Variants in SH3BP5 observed in about 807,000 individuals in gnomAD.
The protein encoded by SH3BP5 is SH3 domain-binding protein 5.
In SH3BP5, 22 loss-of-function variants were observed where a neutral mutation model predicts 43.3. The ratio of observed to expected loss-of-function variants is 0.51; its 90% CI spans 0.36 to 0.73. SH3BP5 has a LOEUF of 0.73. SH3BP5 is among the 30% of genes least tolerant of loss of function. SH3BP5 has a pLI of 0.00. For missense variants in SH3BP5, 529 were observed against 586.9 expected, an observed-to-expected ratio of 0.90 and a Z score of 1.02; for synonymous variants, 255 against 225.8, an observed-to-expected ratio of 1.13 and a Z score of -1.16.
intron 3 of SH3BP5, among the ~76,000 whole-genome samples, chr3:15,274,263 G>A (rs897193959): frequency 2.6e-5 from 4 of 151,794 alleles, no homozygotes; most frequent in South Asian, 4.2e-4. Context: ...AAAAAAGAAA[G>A]AAAGAAAGAA....
chr3:15,256,003 A>G lies in SH3BP5; in HGVS notation c.*83T>C, dbSNP rs919913772. 8.1e-6 allele frequency: 9 copies of G among 1,115,538 alleles called. No individual in the cohort carries two copies. The highest frequency in any genetic ancestry group is 3.1e-5 in the African/African-American group (2 of 64,470). The allele number at this position is 1,115,538 out of a possible 1,614,324, so 69.1% of individuals were successfully genotyped here. ...TTAGAGTAGACGTGTAAGATTTGGC[A>G]TATATTAAATGATTATTGGCACAAT... On this transcript the variant is annotated 3_prime_UTR_variant, in exon 9 of 9. Transcript: ENST00000383791.
intron 2 of SH3BP5, among the ~76,000 whole-genome samples, chr3:15,320,722 A>ACCACATCT (rs1323988475): frequency 6.6e-6 from 1 of 152,022 alleles, no homozygotes; most frequent in Non-Finnish European, 1.5e-5. Context: ...GTCCACAGGG[A>ACCACATCT]CCACATCTCT....
chr3:15,277,304 G>A (rs934518833), intron 3 of SH3BP5, among the ~76,000 whole-genome samples: 17 of 152,104 alleles, frequency 1.1e-4, no homozygotes, highest in Middle Eastern at 3.2e-3. Flanking sequence ...ACCACTTGCC[G>A]GTGCTGCAAA....
chr3:15,331,058 C>T, intron 1 of SH3BP5, among the ~76,000 whole-genome samples: 1 of 152,212 alleles, frequency 6.6e-6, no homozygotes, highest in East Asian at 1.9e-4. Flanking sequence ...GCCAATTATT[C>T]AACCTACTTA....
chr3:15,307,516 C>A (rs1351889005), intron 2 of SH3BP5, among the ~76,000 whole-genome samples: 1 of 152,246 alleles, frequency 6.6e-6, no homozygotes, highest in Non-Finnish European at 1.5e-5. Flanking sequence ...TACTTTCCAT[C>A]CCATAGGGAG....
chr3:15,271,982 C>T (rs1219401784), intron 3 of SH3BP5, among the ~76,000 whole-genome samples: 1 of 152,168 alleles, frequency 6.6e-6, no homozygotes, highest in Non-Finnish European at 1.5e-5. Flanking sequence ...CTCGGTTAAC[C>T]ACATCCCCAA....
chr3:15,338,215 C>T (rs1176515201), intron 1 of SH3BP5, among the ~76,000 whole-genome samples: 1 of 151,902 alleles, frequency 6.6e-6, no homozygotes, highest in African/African-American at 2.4e-5. Flanking sequence ...TGGTGGTGTG[C>T]ACCTGTAGTC....
intron 2 of SH3BP5, among the ~76,000 whole-genome samples, chr3:15,310,292 G>T (rs1234278386): frequency 6.6e-6 from 1 of 152,230 alleles, no homozygotes; most frequent in East Asian, 1.9e-4. Context: ...GGCATCATGA[G>T]GGGAGAGCCT....
upstream of SH3BP5, chr3:15,332,985 G>T: frequency 1.5e-6 from 1 of 660,688 alleles, no homozygotes; most frequent in Non-Finnish European, 1.9e-6. Flanking sequence ...CCTCTTGAGC[G>T]AACCTTGGGA....
intron 2 of SH3BP5, among the ~76,000 whole-genome samples, chr3:15,310,054 TCCTTGGTCCTCACCCCCACCTCTCAGTC>T (rs1698013979): frequency 6.6e-6 from 1 of 152,084 alleles, no homozygotes; most frequent in Non-Finnish European, 1.5e-5. Context: ...GCCGTAATAT[TCCTTGGTCCTCACCCCCACCTCTCAGTC>T]CCTAGTGATG....
At chr3:15,258,653 ACTTAGTACCTT>A (rs1173085995) in intron 7 of SH3BP5, 167 bp downstream of exon 7, 1 of 598,302 alleles carries the variant, frequency 1.7e-6, no homozygotes, top group Non-Finnish European at 3.0e-6. Flanking sequence ...TTTGAGGAAC[ACTTAGTACCTT>A]CTTAATGAAC....
At chr3:15,288,495 C>T (rs1205321784) in intron 3 of SH3BP5, among the ~76,000 whole-genome samples, 4 of 152,168 alleles carry the variant, frequency 2.6e-5, no homozygotes, top group Non-Finnish European at 4.4e-5. Context: ...CGGTGGCTAA[C>T]GCCTGTAATC....
At chr3:15,265,182 A>G (rs373129575) in intron 4 of SH3BP5, among the ~76,000 whole-genome samples, 3 of 152,024 alleles carry the variant, frequency 2.0e-5, no homozygotes, top group African/African-American at 7.2e-5. Context: ...CGTCTACCAC[A>G]TCCTGTCCCT....
intron 3 of SH3BP5, among the ~76,000 whole-genome samples, chr3:15,300,777 C>T (rs550334281): frequency 6.6e-6 from 1 of 152,222 alleles, no homozygotes; most frequent in South Asian, 2.1e-4. Flanking sequence ...ACCTTTTCTA[C>T]CCTGCTTCTT....
chr3:15,275,054 G>A (rs1464548788), intron 3 of SH3BP5, among the ~76,000 whole-genome samples: 1 of 152,166 alleles, frequency 6.6e-6, no homozygotes, highest in African/African-American at 2.4e-5. Context: ...GAAGTAATTA[G>A]GGTTAGATGA....
chr3:15,258,892 C>G lies in SH3BP5; in HGVS notation c.828G>C (p.Glu276Asp). 2 of 1,614,232 alleles carry G rather than the reference C, an allele frequency of 1.2e-6. No individual in the cohort carries two copies. Among genetic ancestry groups the G allele is most frequent in the Middle Eastern group, 3.3e-4 (2 of 6,058 alleles). The change falls in exon 7 of 9, where the codon GAG becomes GAC. Residue 276 changes from glutamate (E) to aspartate (D), a missense_variant. Glu to Asp is a conservative substitution (Grantham distance 45). This residue lies in a region of SH3BP5 where 369 missense variants were observed against 384.3 expected (regional missense o/e 0.96). Coordinates refer to ENST00000383791, the MANE Select transcript of SH3BP5 (RefSeq NM_004844.5). ...MGPRGCGVGA[E>D]GSSTSVEDLP... ...GATCCTCCACAGATGTGCTGCTGCC[C>G]TCAGCACCAACACCGCATCCCCGAG...
In SH3BP5 at chr3:15,256,745, T is replaced by G. The variant is rs551249147; in HGVS notation, c.1150+108A>C. On this transcript the variant is annotated intron_variant, in intron 8 of 8. Coordinates refer to ENST00000383791, the MANE Select transcript of SH3BP5 (RefSeq NM_004844.5). The stretch of plus-strand genomic sequence containing the variant: ...TGACAGCACAACCACAGAGACCTGG[T>G]AATGCAGCATGGGGGCCCTGAGACC... The G allele has an allele frequency of 2.3e-5, 29 of 1,258,694 alleles. No individual in the cohort carries two copies. The South Asian group carries it at 3.7e-4, about 16-fold the overall frequency. 78.0% of individuals were successfully genotyped at this position (1,258,694 alleles called of 1,614,324 possible).
chr3:15,332,822 T>A (rs1698651167), upstream of SH3BP5, among the ~76,000 whole-genome samples: 1 of 151,766 alleles, frequency 6.6e-6, no homozygotes, highest in Non-Finnish European at 1.5e-5. Flanking sequence ...CTTTCGGGAG[T>A]CCCCTCCTCC....
chr3:15,307,682 G>A (rs1697946746), intron 2 of SH3BP5, among the ~76,000 whole-genome samples: 1 of 152,240 alleles, frequency 6.6e-6, no homozygotes, highest in Non-Finnish European at 1.5e-5. Context: ...GTTTCCCAGA[G>A]GCGAGGGCAG....
Sources: gnomAD v4.1 joint callset for allele counts (sites outside exome capture counted in the v4.1 genomes callset) on GRCh38, gnomAD v4.1.1 for gene constraint, gnomAD v4.1.1 regional missense constraint, MANE v1.5 for transcripts, NCBI Gene and HGNC (gene_info 2026-07-23, HGNC 2026-07-21) for gene names.